The following LPAR6 variants were observed in gnomAD, a reference collection of about 807,000 sequenced individuals.
LPAR6 encodes lysophosphatidic acid receptor 6, also known as G-protein coupled purinergic receptor P2Y5.
LPAR6 carries 17 observed loss-of-function variants against 22.0 expected under a neutral mutation model. The ratio of observed to expected loss-of-function variants is 0.77; its 90% CI spans 0.53 to 1.16. The LOEUF is 1.16. Among genes scored for constraint, LPAR6 ranks in the 50% most tolerant of loss-of-function variants. The pLI, the probability that LPAR6 is intolerant of heterozygous loss-of-function variation, is 0.00. For synonymous variants in LPAR6, 136 were observed against 139.8 expected (o/e 0.97, Z 0.19); for missense variants, 384 against 406.9 (o/e 0.94, Z 0.48).
chr13:48,442,820 A>T (rs1949251005), intron 1 of LPAR6, among the ~76,000 whole-genome samples: 1 of 152,174 alleles, frequency 6.6e-6, no homozygotes, highest in African/African-American at 2.4e-5. Context: ...ACAATATTTT[A>T]AAATTAACAG....
intron 1 of LPAR6, among the ~76,000 whole-genome samples, chr13:48,392,768 T>C (rs1001431095): frequency 4.6e-5 from 7 of 151,764 alleles, no homozygotes; most frequent in African/African-American, 1.5e-4. Context: ...CTCTCTCTCT[T>C]TTTTTTAAGA....
intron 1 of LPAR6, among the ~76,000 whole-genome samples, chr13:48,392,936 T>A (rs117761063): frequency 0.018 from 2,795 of 152,328 alleles, 48 homozygotes; most frequent in Non-Finnish European, 0.031. Context: ...ATAATTTGAC[T>A]TTTTTAAGGC....
chr13:48,426,073 G>A lies in LPAR6; in HGVS notation c.-1095+786C>T, dbSNP rs925702553. On this transcript the variant is annotated intron_variant, in intron 1 of 4. Transcript: ENST00000345941. ...GGATAATAGAAAGCACTGTGACCTA[G>A]AGATCCAGAATCCTTGATTTCTAAA... Among the ~76,000 whole-genome samples, 3 of 152,172 alleles carry A rather than the reference G, an allele frequency of 2.0e-5. No individual in the cohort carries two copies. In the South Asian group the frequency reaches 6.2e-4, roughly 32 times the overall value.
At chr13:48,432,299 C>A (rs1593511249) in intron 1 of LPAR6, among the ~76,000 whole-genome samples, 1 of 152,062 alleles carries the variant, frequency 6.6e-6, no homozygotes, top group South Asian at 2.1e-4. Context: ...ATGTTCATGT[C>A]CCCAAGATCT....
chr13:48,420,742 A>G (rs1694009050), intron 2 of LPAR6, among the ~76,000 whole-genome samples: 1 of 152,178 alleles, frequency 6.6e-6, no homozygotes, highest in African/African-American at 2.4e-5. Context: ...ATACAACAAT[A>G]ATAGACAAAC....
At chr13:48,433,219 T>G (rs1219427321) in intron 1 of LPAR6, among the ~76,000 whole-genome samples, 1 of 152,152 alleles carries the variant, frequency 6.6e-6, no homozygotes, top group Non-Finnish European at 1.5e-5. Context: ...GACGTTAATT[T>G]TTTTTTCAAA....
At chr13:48,423,929 A>G (rs1167693401) in intron 1 of LPAR6, 1 of 152,572 alleles carries the variant, frequency 6.6e-6, no homozygotes, top group Non-Finnish European at 1.5e-5. Context: ...TCTCTTGAAG[A>G]AAGAAAGAAA....
chr13:48,432,909 T>C (rs1949145050), intron 1 of LPAR6, among the ~76,000 whole-genome samples: 1 of 152,148 alleles, frequency 6.6e-6, no homozygotes, highest in African/African-American at 2.4e-5. Context: ...TGTTTATGAT[T>C]TTCCAGATTT....
chr13:48,440,774 A>G (rs1207065082), intron 1 of LPAR6, among the ~76,000 whole-genome samples: 1 of 152,146 alleles, frequency 6.6e-6, no homozygotes, highest in Non-Finnish European at 1.5e-5. Context: ...TTTTCATTTA[A>G]AAAATTAATG....
At chr13:48,410,824 G>T (rs934388340), downstream of LPAR6, among the ~76,000 whole-genome samples, 4 of 152,030 alleles carry the variant, frequency 2.6e-5, no homozygotes, top group African/African-American at 9.7e-5. Context: ...ATGTGTTACT[G>T]CTCAAGATCT....
intron 1 of LPAR6, among the ~76,000 whole-genome samples, chr13:48,395,738 G>A (rs1593465342): frequency 6.6e-6 from 1 of 152,156 alleles, no homozygotes; most frequent in South Asian, 2.1e-4. Context: ...TATGTGAAAA[G>A]ACCAAACCTA....
intron 2 of LPAR6, chr13:48,422,557 TG>T (rs1949022450): frequency 6.6e-6 from 1 of 152,142 alleles, no homozygotes; most frequent in Non-Finnish European, 1.5e-5. Context: ...TTAGGACTGT[TG>T]CCATAATGAC....
chr13:48,417,528 A>G (rs1948933457), upstream of LPAR6, among the ~76,000 whole-genome samples: 1 of 152,348 alleles, frequency 6.6e-6, no homozygotes, highest in South Asian at 2.1e-4. Flanking sequence ...TCTCTTCCAA[A>G]GAATCACAAC....
At chr13:48,396,960 A>C (rs1051227242) in intron 1 of LPAR6, among the ~76,000 whole-genome samples, 2 of 152,244 alleles carry the variant, frequency 1.3e-5, no homozygotes, top group African/African-American at 4.8e-5. Context: ...ATCTCATGCC[A>C]GTTAGAATGG....
chr13:48,397,873 C>A (rs758307581), intron 1 of LPAR6, among the ~76,000 whole-genome samples: 3 of 152,112 alleles, frequency 2.0e-5, no homozygotes, highest in South Asian at 4.1e-4. Flanking sequence ...TCTGAAAAAA[C>A]CAAAAAGGAT....
intron 1 of LPAR6, among the ~76,000 whole-genome samples, chr13:48,439,122 G>T (rs1160398463): frequency 6.6e-6 from 1 of 152,110 alleles, no homozygotes; most frequent in Non-Finnish European, 1.5e-5. Flanking sequence ...AGCAGCTAAC[G>T]GCACAAGTTT....
intron 1 of LPAR6, among the ~76,000 whole-genome samples, chr13:48,390,611 A>C (rs540672144): frequency 6.6e-6 from 1 of 152,290 alleles, no homozygotes; most frequent in South Asian, 2.1e-4. Flanking sequence ...CTCTCTCTCA[A>C]TACCTAATCT....
rs1157061909 is a variant in LPAR6 at position 48,412,369 on chromosome 13, A to C, written c.55T>G (p.Leu19Val). ...ACCATGCTGAACATGCACCCATACA[A>C]AGTGTACTTAAAGGAGTCATTATAG... ...CFYNDSFKYT[L>V]YGCMFSMVFV... The change falls in exon 1 of 1, where the codon TTG becomes GTG. Residue 19 changes from leucine (L) to valine (V), a missense_variant. Coordinates refer to ENST00000620633, the MANE Select transcript of LPAR6 (RefSeq NM_001162498.3). 6.2e-7 allele frequency: 1 copy of C among 1,613,978 alleles called. No individual in the cohort carries two copies.
At chr13:48,440,536 A>G (rs1275456928) in intron 1 of LPAR6, among the ~76,000 whole-genome samples, 1 of 152,148 alleles carries the variant, frequency 6.6e-6, no homozygotes, top group Non-Finnish European at 1.5e-5. Flanking sequence ...TTTGGTTGAA[A>G]TTTAGTATTT....
Sources: allele counts gnomAD v4.1 joint callset (sites outside exome capture counted in the v4.1 genomes callset), GRCh38; gene constraint gnomAD v4.1.1; transcripts MANE v1.5; gene names NCBI Gene and HGNC (gene_info 2026-07-23, HGNC 2026-07-21).